The following UPP1 variants were observed in gnomAD, a reference collection of about 807,000 sequenced individuals.
UPP1 encodes uridine phosphorylase 1.
UPP1 carries 25 observed loss-of-function variants against 29.6 expected under a neutral mutation model. That is an observed-to-expected ratio of 0.85 (90% confidence interval 0.62 to 1.18). The LOEUF (loss-of-function observed/expected upper bound fraction) is 1.18, where lower values mean the gene tolerates loss of function less well. Ranked by LOEUF, UPP1 falls within the 50% of genes most tolerant of loss-of-function variation. The probability of loss-of-function intolerance (pLI) is 0.00; values close to 1 mark genes in which losing one functional copy is unlikely to be tolerated. For missense variants in UPP1, 368 were observed against 410.4 expected (o/e 0.90, Z 0.89); for synonymous variants, 165 against 159.8 (o/e 1.03, Z -0.25).
At chr7:48,107,613 C>T (rs1436191174) in intron 8 of UPP1, 106 bp downstream of exon 8, 100 of 1,384,788 alleles carry the variant, frequency 7.2e-5, no homozygotes, top group Non-Finnish European at 9.5e-5. Context: ...ATACCCATTT[C>T]TGGTTTCTGT....
At position 48,106,895 on chromosome 7, in the gene UPP1, C is replaced by A; in HGVS notation, c.459C>A (p.Val153=). 3 of 1,613,768 alleles carry A rather than the reference C, an allele frequency of 1.9e-6. No homozygotes were observed. In the South Asian group the frequency reaches 3.3e-5, roughly 18 times the overall value. ...CAGGTCTGGAGCCCGGCACTGTGGT[C>A]ATAACAGAGCAGGCAGTGGATACCT... The part of the protein sequence containing the change: ...GGIGLEPGTV[V]ITEQAVDTCF... Residue 153 remains valine (V), a synonymous_variant, in exon 7 of 9, where the codon GTC becomes GTA. Transcript: ENST00000395564.
intron 2 of UPP1, among the ~76,000 whole-genome samples, chr7:48,094,286 G>T (rs577315650): frequency 4.6e-5 from 7 of 152,050 alleles, no homozygotes. Flanking sequence ...ACGGAGTGTC[G>T]CTCTGCAACC....
intron 6 of UPP1, chr7:48,103,657 A>G (rs1792556843): frequency 5.8e-6 from 6 of 1,033,774 alleles, no homozygotes; most frequent in Non-Finnish European, 6.6e-6. Flanking sequence ...GGGGAAACTC[A>G]TCCTTTTGGG....
intron 7 of UPP1, 77 bp downstream of exon 7, chr7:48,107,159 G>T (rs1279260987): frequency 6.5e-7 from 1 of 1,546,662 alleles, no homozygotes; most frequent in African/African-American, 1.4e-5. Flanking sequence ...TTCTCGCTGT[G>T]GACTGGCGTT....
At chr7:48,094,278 G>C (rs1407978862) in intron 2 of UPP1, among the ~76,000 whole-genome samples, 1 of 151,992 alleles carries the variant, frequency 6.6e-6, no homozygotes, top group Non-Finnish European at 1.5e-5. Context: ...TTTTTGAGAC[G>C]GAGTGTCGCT....
rs140187452 is a variant in UPP1 at position 48,094,695 on chromosome 7, G to A, written c.-21-68G>A. 204 of 1,398,448 alleles carry A rather than the reference G, an allele frequency of 1.5e-4. 2 individuals are homozygous for A. In the East Asian group the frequency reaches 4.6e-3, roughly 31 times the overall value. 86.6% of individuals were successfully genotyped at this position (1,398,448 alleles called of 1,614,324 possible). On this transcript the variant is annotated intron_variant, in intron 2 of 8. Transcript: ENST00000395564. ...CATTGCACTGACTTTCTACATATTA[G>A]TGGGGCTCTGCACGATCTTGGTTTC...
intron 8 of UPP1, among the ~76,000 whole-genome samples, 159 bp from the exon 9 acceptor site, chr7:48,108,059 C>T (rs1005166592): frequency 5.9e-5 from 9 of 152,212 alleles, no homozygotes; most frequent in Non-Finnish European, 1.0e-4. Context: ...GCCTTTCCCT[C>T]CCGCACTCCA....
chr7:48,091,009 G>A (rs1416301112), intron 2 of UPP1, among the ~76,000 whole-genome samples: 1 of 151,828 alleles, frequency 6.6e-6, no homozygotes, highest in Non-Finnish European at 1.5e-5. Flanking sequence ...TAAAATTAAC[G>A]CAAACTTATT....
In UPP1 at chr7:48,099,736, C is replaced by G. The variant is rs763866858; in HGVS notation, c.111C>G (p.Phe37Leu). 2.4e-5 allele frequency: 38 copies of G among 1,613,832 alleles called. No individual in the cohort carries two copies. The highest frequency in any genetic ancestry group is 3.2e-5 in the Non-Finnish European group (38 of 1,179,818). Residue 37 changes from phenylalanine (F) to leucine (L), a missense_variant, in exon 4 of 9, where the codon TTC becomes TTG. Phe to Leu is a conservative substitution (Grantham distance 22, BLOSUM62 0). Transcript: ENST00000395564. ...TGAAAGAAGATATTCTCTATCATTTCAATCTCACCACTAGCAGACACAATT... is the reference window on the plus strand; with the variant it reads ...TGAAAGAAGATATTCTCTATCATTTGAATCTCACCACTAGCAGACACAATT... ...AKMKEDILYHFNLTTSRHNFP... is the reference protein window; with the variant it reads ...AKMKEDILYHLNLTTSRHNFP...
At position 48,108,237 on chromosome 7, in the gene UPP1, C is replaced by T; in HGVS notation, c.813C>T (p.Thr271=). ...TTGCAGCGGCCGTGGTGTGTGTCAC[C>T]CTCCTGAACCGCCTGGAAGGGGACC... ...CGLQAAVVCV[T]LLNRLEGDQI... The change falls in exon 9 of 9, where the codon ACC becomes ACT. Residue 271 remains threonine, a synonymous_variant. Transcript: ENST00000395564. The T allele has an allele frequency of 6.2e-7, 1 of 1,613,326 alleles. No individual in the cohort carries two copies. The highest frequency in any genetic ancestry group is 8.5e-7 in the Non-Finnish European group (1 of 1,179,840).
intron 6 of UPP1, chr7:48,106,600 C>T (rs1463904861): frequency 1.8e-5 from 7 of 396,802 alleles, no homozygotes; most frequent in Non-Finnish European, 3.3e-5. Flanking sequence ...GCGTGGGCCA[C>T]TGCACCCAGC....
chr7:48,091,738 C>A (rs988294354), intron 2 of UPP1, among the ~76,000 whole-genome samples: 13 of 152,144 alleles, frequency 8.5e-5, no homozygotes, highest in African/African-American at 2.9e-4. Context: ...GGGACACTCA[C>A]ACCCAGGAGG....
intron 5 of UPP1, among the ~76,000 whole-genome samples, 159 bp downstream of exon 5, chr7:48,102,141 A>C (rs1345242649): frequency 6.6e-6 from 1 of 152,008 alleles, no homozygotes; most frequent in Non-Finnish European, 1.5e-5. Context: ...AGATTATTGA[A>C]CTCAGGCTAT....
chr7:48,098,899 G>A (rs1372546718), intron 3 of UPP1, among the ~76,000 whole-genome samples: 1 of 152,120 alleles, frequency 6.6e-6, no homozygotes, highest in Non-Finnish European at 1.5e-5. Flanking sequence ...TCTAGACCTG[G>A]GGCATTTGTT....
chr7:48,107,447 C>G lies in UPP1; in HGVS notation c.733C>G (p.Arg245Gly). 1 of 1,614,178 alleles carries G rather than the reference C, an allele frequency of 6.2e-7. No individual in the cohort carries two copies. Among genetic ancestry groups the G allele is most frequent in the Non-Finnish European group, 8.5e-7 (1 of 1,180,000 alleles). The change falls in exon 8 of 9, where the codon CGC becomes GGC. Residue 245 changes from arginine (R) to glycine (G), a missense_variant. By Grantham distance (125) the Arg-to-Gly change is moderately radical. Transcript: ENST00000395564. ...GGAGGCAGCCTATGCAGCCGGCGTC[C>G]GCAATATCGAGATGGAGTCCTCGGT... ...YLEAAYAAGV[R>G]NIEMESSVFA...
chr7:48,089,102 G>C (rs1200940752), upstream of UPP1: 1 of 151,706 alleles, frequency 6.6e-6, no homozygotes, highest in African/African-American at 2.4e-5. Flanking sequence ...GAGGGGCAGA[G>C]GAAGGTGGGG....
At chr7:48,091,082 C>T (rs1791804394) in intron 2 of UPP1, among the ~76,000 whole-genome samples, 2 of 152,032 alleles carry the variant, frequency 1.3e-5, no homozygotes, top group South Asian at 4.1e-4. Flanking sequence ...GAAAATGAAA[C>T]TTCTAGGTTT....
At chr7:48,093,488 C>G (rs1325670187) in intron 2 of UPP1, among the ~76,000 whole-genome samples, 1 of 152,204 alleles carries the variant, frequency 6.6e-6, no homozygotes, top group African/African-American at 2.4e-5. Context: ...ATCCTGCCCA[C>G]TCTGCAAGGC....
rs965437125 is a variant in UPP1 at position 48,101,881 on chromosome 7, G to A, written c.220G>A (p.Ala74Thr). 22 of 1,613,902 alleles carry A rather than the reference G, an allele frequency of 1.4e-5. No homozygotes were observed. Among genetic ancestry groups the A allele is most frequent in the Non-Finnish European group, 1.7e-5 (20 of 1,180,004 alleles). The change falls in exon 5 of 9, where the codon GCA (alanine) becomes ACA (threonine). Residue 74 changes from alanine (A) to threonine (T), a missense_variant. Ala to Thr is a moderately conservative substitution (Grantham distance 58). Coordinates refer to ENST00000395564, the MANE Select transcript of UPP1 (RefSeq NM_003364.4). The stretch of plus-strand genomic sequence containing the variant: ...GAAAGCCTTCATCAGGTGCGTTGGT[G>A]CAGAGCTGGGCCTTGACTGCCCAGG... Reference protein sequence around the residue: ...RMKAFIRCVGAELGLDCPGRD... With the variant: ...RMKAFIRCVGTELGLDCPGRD...
Sources: gnomAD v4.1 joint callset for allele counts (sites outside exome capture counted in the v4.1 genomes callset) on GRCh38, gnomAD v4.1.1 for gene constraint, MANE v1.5 for transcripts, NCBI Gene and HGNC (gene_info 2026-07-23, HGNC 2026-07-21) for gene names.